LRRC69: variants seen among roughly 807,000 people sequenced by gnomAD.
LRRC69 encodes leucine-rich repeat-containing protein 69.
In LRRC69, 42 loss-of-function variants were observed where a neutral mutation model predicts 37.8. That is an observed-to-expected ratio of 1.11 (90% CI 0.87 to 1.44). The LOEUF is 1.44. Ranked by LOEUF, LRRC69 falls within the 40% of genes most tolerant of loss-of-function variation. LRRC69 has a pLI of 0.00. For synonymous variants in LRRC69, 141 were observed against 143.1 expected (o/e 0.99, Z 0.11); for missense variants, 357 against 401.9 (o/e 0.89, Z 0.96).
rs151314742 is a variant in LRRC69, at chr8:91,147,946, G to A, written c.651+12207G>A. Among the ~76,000 whole-genome samples the A allele has an allele frequency of 5.4e-3, 825 of 151,406 alleles. 12 individuals are homozygous for A. Among genetic ancestry groups the A allele is most frequent in the African/African-American group, 0.019 (800 of 41,372 alleles). On this transcript the variant is annotated intron_variant, in intron 5 of 7. Transcript: ENST00000448384. ...CATTGTTCAGCTCCCACATATGAGTGAGAACATGCGGTGTTTGGTTTTCTG... is the reference window on the plus strand; with the variant it reads ...CATTGTTCAGCTCCCACATATGAGTAAGAACATGCGGTGTTTGGTTTTCTG...
At chr8:91,199,785 GTTTA>G (rs1486433588) in intron 6 of LRRC69, among the ~76,000 whole-genome samples, 3 of 152,108 alleles carry the variant, frequency 2.0e-5, no homozygotes, top group Middle Eastern at 3.4e-3. Flanking sequence ...TCAGGCAAAT[GTTTA>G]TTTATTTTCT....
chr8:91,162,478 G>A (rs2130567198), intron 5 of LRRC69, among the ~76,000 whole-genome samples: 1 of 151,408 alleles, frequency 6.6e-6, no homozygotes, highest in Non-Finnish European at 1.5e-5. Context: ...TCCTCTTACT[G>A]AATTAATCCC....
chr8:91,112,780 ATGTTATCTC>A (rs1251357329), intron 1 of LRRC69, among the ~76,000 whole-genome samples: 1 of 152,006 alleles, frequency 6.6e-6, no homozygotes, highest in African/African-American at 2.4e-5. Context: ...AAAATAAATA[ATGTTATCTC>A]TGTTTGCAAA....
chr8:91,140,315 T>G (rs947066841), intron 5 of LRRC69, among the ~76,000 whole-genome samples: 3 of 152,008 alleles, frequency 2.0e-5, no homozygotes, highest in Admixed American at 2.0e-4. Context: ...TGTATTAGTT[T>G]GCAAGTGTCC....
At chr8:91,123,125 A>G (rs1029726870) in intron 1 of LRRC69, among the ~76,000 whole-genome samples, 27 of 152,186 alleles carry the variant, frequency 1.8e-4, no homozygotes, top group African/African-American at 5.5e-4. Flanking sequence ...AAGGCAGGCA[A>G]ACAGATCATC....
intron 5 of LRRC69, among the ~76,000 whole-genome samples, chr8:91,149,567 G>A (rs1393024532): frequency 2.0e-5 from 3 of 151,912 alleles, no homozygotes; most frequent in Non-Finnish European, 4.4e-5. Flanking sequence ...TGGCACTGTG[G>A]GCTCTTTTTT....
At chr8:91,175,435 T>G (rs1349106870) in intron 5 of LRRC69, among the ~76,000 whole-genome samples, 1 of 152,282 alleles carries the variant, frequency 6.6e-6, no homozygotes, top group East Asian at 1.9e-4. Context: ...CCTGACATAA[T>G]ACCTGTTCTA....
intron 3 of LRRC69, among the ~76,000 whole-genome samples, chr8:91,129,144 C>T (rs886994458): frequency 3.9e-5 from 6 of 152,028 alleles, no homozygotes; most frequent in African/African-American, 1.4e-4. Flanking sequence ...ACCTAAACAG[C>T]TCTGTCATGG....
At chr8:91,219,147 C>A, downstream of LRRC69, 1 of 414,434 alleles carries the variant, frequency 2.4e-6, no homozygotes, top group East Asian at 3.6e-5. Flanking sequence ...ATAACGTTCC[C>A]AATCTAAGCA....
intron 6 of LRRC69, among the ~76,000 whole-genome samples, chr8:91,191,175 G>A (rs759379009): frequency 6.6e-6 from 1 of 151,756 alleles, no homozygotes; most frequent in Non-Finnish European, 1.5e-5. Context: ...CTGACATCTT[G>A]TAAAGTTTGA....
At chr8:91,157,888 G>C (rs1586254124) in intron 5 of LRRC69, 2 of 1,589,156 alleles carry the variant, frequency 1.3e-6, no homozygotes, top group East Asian at 4.5e-5. Context: ...ATAAGGGAGA[G>C]TTTTACATAG....
chr8:91,153,651 G>A (rs1808781295), intron 5 of LRRC69, among the ~76,000 whole-genome samples: 1 of 151,846 alleles, frequency 6.6e-6, no homozygotes, highest in Non-Finnish European at 1.5e-5. Context: ...AAATCAAAAT[G>A]TTCTTTGGAA....
chr8:91,194,667 T>C (rs1809562774), intron 6 of LRRC69, among the ~76,000 whole-genome samples: 1 of 152,190 alleles, frequency 6.6e-6, no homozygotes, highest in African/African-American at 2.4e-5. Flanking sequence ...GATGGTAGTT[T>C]GTATTTCTGT....
intron 1 of LRRC69, among the ~76,000 whole-genome samples, chr8:91,122,397 T>G: frequency 6.6e-6 from 1 of 152,036 alleles, no homozygotes; most frequent in East Asian, 1.9e-4. Context: ...CATAAAAGAT[T>G]CATCATAAAA....
intron 7 of LRRC69, among the ~76,000 whole-genome samples, chr8:91,213,819 G>T (rs902089992): frequency 1.4e-4 from 22 of 152,096 alleles, no homozygotes; most frequent in Admixed American, 7.2e-4. Flanking sequence ...GTAAGGAGGA[G>T]AATAAATCAT....
intron 5 of LRRC69, among the ~76,000 whole-genome samples, chr8:91,147,199 A>T (rs1808635250): frequency 1.3e-5 from 2 of 148,968 alleles, no homozygotes; most frequent in African/African-American, 4.9e-5. Context: ...CTTTGGCTTT[A>T]AAGTTTATTT....
chr8:91,123,296 T>C (rs1463468683), intron 1 of LRRC69, among the ~76,000 whole-genome samples: 1 of 152,028 alleles, frequency 6.6e-6, no homozygotes, highest in Non-Finnish European at 1.5e-5. Flanking sequence ...AATTACAGAC[T>C]CTGGATAAAA....
intron 7 of LRRC69, chr8:91,206,747 G>A (rs1241693388): frequency 1.6e-6 from 2 of 1,289,676 alleles, no homozygotes; most frequent in East Asian, 1.1e-4. Flanking sequence ...TACTGAGTGT[G>A]CATCTGGTGC....
At chr8:91,132,580 G>A (rs184478358) in intron 3 of LRRC69, among the ~76,000 whole-genome samples, 94 of 151,982 alleles carry the variant, frequency 6.2e-4, no homozygotes, top group African/African-American at 2.0e-3. Flanking sequence ...TTAGCCAATG[G>A]CATTTGCTGT....
Sources: allele counts gnomAD v4.1 joint callset (sites outside exome capture counted in the v4.1 genomes callset), GRCh38; gene constraint gnomAD v4.1.1; transcripts MANE v1.5; gene names NCBI Gene and HGNC (gene_info 2026-07-23, HGNC 2026-07-21).